Variants in TGFBR3 observed in about 807,000 individuals in gnomAD.
TGFBR3 encodes the protein transforming growth factor beta receptor type 3.
TGFBR3 carries 46 observed loss-of-function variants against 87.9 expected under a neutral mutation model. That is an observed-to-expected ratio of 0.52 (90% CI 0.41 to 0.67). The LOEUF is 0.67. Among genes scored for constraint, TGFBR3 ranks in the 30% least tolerant of loss-of-function variants. TGFBR3 has a pLI of 0.00. For synonymous variants in TGFBR3, 381 were observed against 391.6 expected, an observed-to-expected ratio of 0.97 and a Z score of 0.32; for missense variants, 866 against 1,041.9, an observed-to-expected ratio of 0.83 and a Z score of 2.32.
rs1375401551 is a variant in TGFBR3 at position 91,722,169 on chromosome 1, T to C, written c.886-25A>G. Reference sequence around the variant, plus strand: ...CCTGAAGATATAGCAAAAAAATCACTCATGAGTCTAAAATTAAACAGTACT... The same window carrying C: ...CCTGAAGATATAGCAAAAAAATCACCCATGAGTCTAAAATTAAACAGTACT... On this transcript the variant is annotated intron_variant, in intron 7 of 16. Transcript: ENST00000212355. 5 of 1,599,816 alleles carry C rather than the reference T, an allele frequency of 3.1e-6. No homozygotes were observed. In the African/African-American group the frequency reaches 6.7e-5, roughly 21 times the overall value.
At chr1:91,743,070 G>A (rs900627662) in intron 4 of TGFBR3, among the ~76,000 whole-genome samples, 6 of 152,198 alleles carry the variant, frequency 3.9e-5, no homozygotes, top group East Asian at 1.9e-4. Context: ...GCGGATCCAC[G>A]GAAGCCTCAA....
rs1271649038 is a variant in TGFBR3 at position 91,748,428 on chromosome 1, TG to T, written c.384+10184del. On this transcript the variant is annotated intron_variant, in intron 4 of 16. Coordinates refer to ENST00000212355, the MANE Select transcript of TGFBR3 (RefSeq NM_003243.5). ...ACTGGGACCCCAGAGGGAAAGCTCT[TG>T]GGAAAGGGGTCAAGAAACAGTTTTA... Among the ~76,000 whole-genome samples the T allele has an allele frequency of 2.0e-5, 3 of 152,298 alleles. No homozygotes were observed. In the East Asian group the frequency reaches 5.8e-4, roughly 29 times the overall value.
At position 91,727,574 on chromosome 1, in the gene TGFBR3, A is replaced by G. The variant is rs572573579; in HGVS notation, c.885+85T>C. On this transcript the variant is annotated intron_variant, in intron 7 of 16. Coordinates refer to ENST00000212355, the MANE Select transcript of TGFBR3 (RefSeq NM_003243.5). ...AGCTTAGAGAGTCCAAAGAGGCAGG[A>G]ACTTTAAAAATAACACTTATAAAGT... The G allele has an allele frequency of 4.9e-5, 76 of 1,551,842 alleles. 2 individuals are homozygous for G. In the South Asian group the frequency reaches 7.8e-4, roughly 16 times the overall value.
intron 1 of TGFBR3, among the ~76,000 whole-genome samples, chr1:91,903,338 C>CAAAAAAAA (rs58672104): frequency 0.036 from 1,808 of 50,440 alleles, 316 homozygotes; most frequent in Non-Finnish European, 0.05. Context: ...GATTCTGCCT[C>CAAAAAAAA]AAAAAAAAAA....
intron 14 of TGFBR3, among the ~76,000 whole-genome samples, chr1:91,698,531 T>C (rs1671507571): frequency 6.6e-6 from 1 of 151,166 alleles, no homozygotes; most frequent in Non-Finnish European, 1.5e-5. Flanking sequence ...TTTTTTTTTT[T>C]TGAGGGTCTC....
chr1:91,750,576 C>CACTT, intron 4 of TGFBR3, among the ~76,000 whole-genome samples: 1 of 152,234 alleles, frequency 6.6e-6, no homozygotes, highest in South Asian at 2.1e-4. Flanking sequence ...GGTACACAAC[C>CACTT]ACTTGGAATA....
Position 91,886,046 on chromosome 1 carries a change from C to T in TGFBR3, c.-282G>A, listed in dbSNP as rs1016270043. The T allele has an allele frequency of 5.3e-5, 24 of 453,874 alleles. No homozygotes were observed. Among genetic ancestry groups the T allele is most frequent in the African/African-American group, 4.6e-4 (23 of 49,998 alleles). The allele number at this position is 453,874 out of a possible 1,614,324, so 28.1% of individuals were successfully genotyped here. ...GACTCTCACCTCCTGCAGGGAGCTC[C>T]GGGAATCGCGCAGGGAAAGTGGCCG... On this transcript the variant is annotated 5_prime_UTR_variant, in exon 1 of 17. Transcript: ENST00000212355.
intron 15 of TGFBR3, 102 bp downstream of exon 15, chr1:91,697,987 G>C (rs1671488003): frequency 9.4e-7 from 1 of 1,068,628 alleles, no homozygotes; most frequent in African/African-American, 1.6e-5. Context: ...GAGAGCAGAA[G>C]TCTCCTTATC....
intron 1 of TGFBR3, among the ~76,000 whole-genome samples, chr1:91,880,371 C>T (rs1297282235): frequency 1.3e-5 from 2 of 152,044 alleles, no homozygotes; most frequent in African/African-American, 4.8e-5. Context: ...GAGGCCAAGA[C>T]GGCGGATCAC....
At chr1:91,742,772 C>T (rs1673199433) in intron 4 of TGFBR3, among the ~76,000 whole-genome samples, 1 of 152,182 alleles carries the variant, frequency 6.6e-6, no homozygotes, top group African/African-American at 2.4e-5. Flanking sequence ...TGCTGAGGTG[C>T]ACCCTGGACT....
chr1:91,779,103 G>C (rs1248534048), intron 3 of TGFBR3, among the ~76,000 whole-genome samples: 3 of 152,174 alleles, frequency 2.0e-5, no homozygotes, highest in Admixed American at 1.3e-4. Flanking sequence ...CAGGGCTCTG[G>C]TGGGGATTGC....
chr1:91,772,458 AG>A (rs1381369436), intron 3 of TGFBR3, among the ~76,000 whole-genome samples: 1 of 152,176 alleles, frequency 6.6e-6, no homozygotes, highest in Non-Finnish European at 1.5e-5. Context: ...AGACTTGAGG[AG>A]TTTGTTCCTT....
At chr1:91,730,440 TTCTA>T (rs1672725253) in intron 5 of TGFBR3, among the ~76,000 whole-genome samples, 1 of 152,092 alleles carries the variant, frequency 6.6e-6, no homozygotes, top group Non-Finnish European at 1.5e-5. Flanking sequence ...TCAATCCCCT[TTCTA>T]TCTCATTCTT....
chr1:91,896,456 A>T (rs1679553493), intron 2 of TGFBR3, among the ~76,000 whole-genome samples: 1 of 152,142 alleles, frequency 6.6e-6, no homozygotes, highest in African/African-American at 2.4e-5. Flanking sequence ...AATACATCTG[A>T]CCTGAGGGAA....
chr1:91,762,448 C>T (rs1263393075), intron 3 of TGFBR3, among the ~76,000 whole-genome samples: 1 of 152,102 alleles, frequency 6.6e-6, no homozygotes, highest in African/African-American at 2.4e-5. Flanking sequence ...CAAATTACAC[C>T]GCTGGTCTTA....
chr1:91,827,284 G>A (rs1271892483), intron 2 of TGFBR3, among the ~76,000 whole-genome samples: 1 of 152,190 alleles, frequency 6.6e-6, no homozygotes, highest in African/African-American at 2.4e-5. Context: ...GTTACGACAT[G>A]GAATGGTACT....
intron 7 of TGFBR3, among the ~76,000 whole-genome samples, chr1:91,725,565 G>A (rs1672520045): frequency 6.6e-6 from 1 of 152,202 alleles, no homozygotes; most frequent in Non-Finnish European, 1.5e-5. Flanking sequence ...CGCAGGCCCT[G>A]TGTCCAGTGC....
intron 1 of TGFBR3, among the ~76,000 whole-genome samples, chr1:91,867,313 C>T (rs1217507967): frequency 2.0e-5 from 3 of 152,150 alleles, no homozygotes; most frequent in East Asian, 3.9e-4. Context: ...ACAGATGGTA[C>T]GAGGAGAGCA....
intron 6 of TGFBR3, among the ~76,000 whole-genome samples, chr1:91,729,067 CACACACA>C (rs2100807777): frequency 7.8e-6 from 1 of 127,622 alleles, no homozygotes; most frequent in East Asian, 2.1e-4. Context: ...CACACACACA[CACACACA>C]CACCAAGCAC....
Sources: allele counts gnomAD v4.1 joint callset (sites outside exome capture counted in the v4.1 genomes callset), GRCh38; gene constraint gnomAD v4.1.1; transcripts MANE v1.5; gene names NCBI Gene and HGNC (gene_info 2026-07-23, HGNC 2026-07-21).